Variants in PXYLP1 observed in about 807,000 individuals in gnomAD.
The protein encoded by PXYLP1 is 2-phosphoxylose phosphatase 1.
PXYLP1 carries 17 observed loss-of-function variants against 37.9 expected under a neutral mutation model. That is an observed-to-expected ratio of 0.45 (90% CI 0.31 to 0.67). The LOEUF (loss-of-function observed/expected upper bound fraction) is 0.67, where lower values mean the gene tolerates loss of function less well. Among genes scored for constraint, PXYLP1 ranks in the 30% least tolerant of loss-of-function variants. The pLI, the probability that PXYLP1 is intolerant of heterozygous loss-of-function variation, is 0.07. For missense variants in PXYLP1, 511 were observed against 612.0 expected, an observed-to-expected ratio of 0.84 and a Z score of 1.74; for synonymous variants, 221 against 232.2, an observed-to-expected ratio of 0.95 and a Z score of 0.44.
chr3:141,287,485 C>A, intron 5 of PXYLP1, 32 bp downstream of exon 5: 1 of 1,603,182 alleles, frequency 6.2e-7, no homozygotes, highest in Non-Finnish European at 8.5e-7. Flanking sequence ...TCAGGGGTTC[C>A]CCCACCCGCT....
At chr3:141,232,509 T>G (rs575418294) in intron 1 of PXYLP1, 2 of 152,450 alleles carry the variant, frequency 1.3e-5, no homozygotes, top group South Asian at 2.1e-4. Flanking sequence ...ACCTGCAGCC[T>G]GACGCCTCCG....
intron 1 of PXYLP1, among the ~76,000 whole-genome samples, chr3:141,237,178 G>A (rs1293103898): frequency 6.6e-6 from 1 of 152,124 alleles, no homozygotes; most frequent in Admixed American, 6.6e-5. Context: ...AACCAAATGT[G>A]GTTACATAGT....
chr3:141,245,045 CTTTTTTTTT>C (rs10546747), intron 1 of PXYLP1, among the ~76,000 whole-genome samples: 4 of 106,160 alleles, frequency 3.8e-5, no homozygotes, highest in Admixed American at 1.2e-4. Flanking sequence ...CACTAACTCC[CTTTTTTTTT>C]TTTTTTTTTT....
intron 2 of PXYLP1, among the ~76,000 whole-genome samples, chr3:141,266,444 G>A (rs1450068174): frequency 6.6e-6 from 1 of 152,124 alleles, no homozygotes; most frequent in African/African-American, 2.4e-5. Context: ...CTGCGGTGCA[G>A]ATGGAAGAGA....
Position 141,239,370 on chromosome 3 carries a change from T to A in PXYLP1, c.-54+7459T>A, listed in dbSNP as rs369020271. On this transcript the variant is annotated intron_variant, in intron 1 of 5. Coordinates refer to ENST00000286353, the MANE Select transcript of PXYLP1 (RefSeq NM_001037172.3). ...GCATGGATGGTTGATTTTTTTTGGCTCTGTCTTCAAAGTGAAAAATCACTG... is the reference window on the plus strand; with the variant it reads ...GCATGGATGGTTGATTTTTTTTGGCACTGTCTTCAAAGTGAAAAATCACTG... 7.2e-5 allele frequency among the ~76,000 whole-genome samples: 11 copies of A among 152,336 alleles called. No individual in the cohort carries two copies. In the South Asian group the frequency reaches 2.3e-3, roughly 32 times the overall value.
At position 141,254,300 on chromosome 3, in the gene PXYLP1, G is replaced by A. The variant is rs529586432; in HGVS notation, c.-53-5823G>A. On this transcript the variant is annotated intron_variant, in intron 1 of 5. Coordinates refer to ENST00000286353, the MANE Select transcript of PXYLP1 (RefSeq NM_001037172.3). ...GCCTTTCAGCTGGGACCTTCCATAT[G>A]ACAAAAACTGTGTCCTGTATCCTGT... is the stretch of plus-strand genomic sequence containing the variant. 5.3e-4 allele frequency among the ~76,000 whole-genome samples: 80 copies of A among 152,294 alleles called. No homozygotes were observed. The South Asian group carries it at 0.016, about 31-fold the overall frequency.
intron 5 of PXYLP1, among the ~76,000 whole-genome samples, chr3:141,290,531 A>G (rs554717209): frequency 1.2e-4 from 18 of 152,356 alleles, no homozygotes; most frequent in African/African-American, 4.1e-4. Flanking sequence ...AAAGCACTAC[A>G]GAGCAGGTAG....
intron 2 of PXYLP1, among the ~76,000 whole-genome samples, chr3:141,268,202 A>AGTGT (rs1443640563): frequency 5.4e-5 from 2 of 37,346 alleles, no homozygotes; most frequent in African/African-American, 1.5e-4. Context: ...AGAGAGAGAG[A>AGTGT]GAGAGTGTGT....
Position 141,278,421 on chromosome 3 carries a change from G to A in PXYLP1, c.159G>A (p.Thr53=), listed in dbSNP as rs764502945. ...SRKRIMPDPV[T]EPPVTDPVYE... is the part of the protein sequence containing the mutation. ...AGAGAATCATGCCCGACCCTGTGAC[G>A]GAGCCCCCTGTGACAGACCCCGTTT... Residue 53 remains threonine (T), a synonymous_variant, in exon 3 of 6, where the codon ACG becomes ACA. Transcript: ENST00000286353. 14 of 1,614,050 alleles carry A rather than the reference G, an allele frequency of 8.7e-6. No homozygotes were observed. Among genetic ancestry groups the A allele is most frequent in the South Asian group, 2.2e-5 (2 of 91,088 alleles).
intron 4 of PXYLP1, among the ~76,000 whole-genome samples, chr3:141,282,562 C>T (rs1433502234): frequency 6.6e-6 from 1 of 152,022 alleles, no homozygotes; most frequent in East Asian, 1.9e-4. Flanking sequence ...AATATAACCT[C>T]CCTAAGGGCA....
intron 2 of PXYLP1, among the ~76,000 whole-genome samples, chr3:141,275,529 A>G (rs1941770401): frequency 6.6e-6 from 1 of 152,276 alleles, no homozygotes; most frequent in South Asian, 2.1e-4. Context: ...GAGCAGAATC[A>G]AGGACTGAGC....
intron 1 of PXYLP1, chr3:141,235,392 T>C (rs1276908723): frequency 6.6e-6 from 1 of 152,204 alleles, no homozygotes; most frequent in Non-Finnish European, 1.5e-5. Flanking sequence ...ATGGCTTAAT[T>C]TATAGGCCCT....
chr3:141,275,796 TAA>T (rs72152069), intron 2 of PXYLP1, among the ~76,000 whole-genome samples: 39 of 148,680 alleles, frequency 2.6e-4, no homozygotes, highest in Admixed American at 1.1e-3. Flanking sequence ...ACGTTCACTG[TAA>T]AAAAAAAAAA....
intron 2 of PXYLP1, among the ~76,000 whole-genome samples, chr3:141,277,265 G>A (rs763973037): frequency 3.3e-5 from 5 of 152,118 alleles, no homozygotes; most frequent in Admixed American, 6.5e-5. Flanking sequence ...TTGTTCGTGC[G>A]CATGTGTAGA....
chr3:141,263,438 A>G (rs1402441529), intron 2 of PXYLP1, among the ~76,000 whole-genome samples: 5 of 152,236 alleles, frequency 3.3e-5, no homozygotes, highest in African/African-American at 1.2e-4. Context: ...TGAATTGTAG[A>G]AGGGAACAGG....
chr3:141,254,313 T>C (rs1941210940), intron 1 of PXYLP1, among the ~76,000 whole-genome samples: 1 of 152,240 alleles, frequency 6.6e-6, no homozygotes, highest in Admixed American at 6.5e-5. Flanking sequence ...AAAAACTGTG[T>C]CCTGTATCCT....
In PXYLP1 at chr3:141,293,118, G is replaced by C; in HGVS notation, c.1356G>C (p.Leu452Phe). The C allele has an allele frequency of 1.2e-6, 2 of 1,614,170 alleles. No homozygotes were observed. The highest frequency in any genetic ancestry group is 1.7e-5 in the Admixed American group (1 of 60,028). Residue 452 changes from leucine to phenylalanine, a missense_variant, in exon 6 of 6, where the codon TTG (leucine) becomes TTC (phenylalanine). Physicochemically the swap from Leu to Phe is conservative, Grantham distance 22. Coordinates refer to ENST00000286353, the MANE Select transcript of PXYLP1 (RefSeq NM_001037172.3). The part of the protein sequence containing the change: ...SPKPMCPLEN[L>F]VRFVKRDMFV... ...AGCCCATGTGCCCGCTTGAAAACTT[G>C]GTCCGCTTTGTGAAAAGGGACATGT...
intron 1 of PXYLP1, among the ~76,000 whole-genome samples, chr3:141,232,793 A>G (rs1461412728): frequency 2.0e-5 from 3 of 152,362 alleles, no homozygotes; most frequent in South Asian, 2.1e-4. Context: ...ACGTGGAGCC[A>G]TATTTTCCCG....
At chr3:141,238,266 G>A (rs971582425) in intron 1 of PXYLP1, among the ~76,000 whole-genome samples, 1 of 152,202 alleles carries the variant, frequency 6.6e-6, no homozygotes, top group Non-Finnish European at 1.5e-5. Context: ...AACTGGTGCT[G>A]GAAAGAGAGG....
Sources: gnomAD v4.1 joint callset for allele counts (sites outside exome capture counted in the v4.1 genomes callset) on GRCh38, gnomAD v4.1.1 for gene constraint, MANE v1.5 for transcripts, NCBI Gene and HGNC (gene_info 2026-07-23, HGNC 2026-07-21) for gene names.